Variants in TBX4 observed in about 807,000 individuals in gnomAD.
The protein encoded by TBX4 is T-box transcription factor TBX4.
Under a neutral mutation model 54.6 loss-of-function variants are expected in TBX4, and 13 were observed. That is an observed-to-expected ratio of 0.24 (90% CI 0.15 to 0.38). The LOEUF is 0.38. TBX4 is among the 10% of genes least tolerant of loss of function. The pLI, the probability that TBX4 is intolerant of heterozygous loss-of-function variation, is 1.00. For missense variants in TBX4, 631 were observed against 728.5 expected, an observed-to-expected ratio of 0.87 and a Z score of 1.54; for synonymous variants, 314 against 306.7, an observed-to-expected ratio of 1.02 and a Z score of -0.25.
intron 5 of TBX4, among the ~76,000 whole-genome samples, chr17:61,468,451 G>T (rs2060551543): frequency 6.6e-6 from 1 of 152,228 alleles, no homozygotes; most frequent in African/African-American, 2.4e-5. Context: ...TGGTTTCTGG[G>T]GAAGTGCAGG....
chr17:61,474,548 C>T lies in TBX4; in HGVS notation c.550-4079C>T, dbSNP rs998413953. Among the ~76,000 whole-genome samples the T allele has an allele frequency of 2.6e-5, 4 of 152,196 alleles. No individual in the cohort carries two copies. Among genetic ancestry groups the T allele is most frequent in the African/African-American group, 9.7e-5 (4 of 41,432 alleles). The stretch of plus-strand genomic sequence containing the variant: ...GTAGATAGATCTGGGCTTTATTGGC[C>T]AAGCACGCTATGGCGATCTCTTGAG... On this transcript the variant is annotated intron_variant, in intron 5 of 8. Transcript: ENST00000644296. This position sits in a 1 kb window ranked among gnomAD's most constrained non-coding sequence, Gnocchi z 4.6.
rs1291055520 is a variant in TBX4, at chr17:61,484,872, A to G, written c.*1356A>G. 1.4e-5 allele frequency: 2 copies of G among 148,086 alleles called. No homozygotes were observed. The highest frequency in any genetic ancestry group is 4.9e-5 in the African/African-American group (2 of 40,810). The allele number at this position is 148,086 out of a possible 1,614,324, so 9.2% of individuals were successfully genotyped here. A position where few individuals can be genotyped will look rare whatever the true frequency, so the allele number is the denominator to read the frequency against. On this transcript the variant is annotated 3_prime_UTR_variant, in exon 9 of 9. Transcript: ENST00000644296. This position sits in a 1 kb window ranked among gnomAD's most constrained non-coding sequence, Gnocchi z 4.1. ...TAAACGTTGGAGGGGGTATTTGGAA[A>G]GACATCTATTTAAATTTTTATTACA...
At position 61,478,438 on chromosome 17, in the gene TBX4, G is replaced by C; in HGVS notation, c.550-189G>C. The stretch of plus-strand genomic sequence containing the variant: ...TGGTGCAGAGAGGCTAAGTAGGGCT[G>C]GGGTGGGGAGAGTTTGGGGCCCAGG... On this transcript the variant is annotated intron_variant, in intron 5 of 8. Coordinates refer to ENST00000644296, the MANE Select transcript of TBX4 (RefSeq NM_001321120.2). This position sits in a 1 kb window ranked among gnomAD's most constrained non-coding sequence, Gnocchi z 7.4. 1.4e-6 allele frequency: 1 copy of C among 690,094 alleles called. No individual in the cohort carries two copies. Among genetic ancestry groups the C allele is most frequent in the Admixed American group, 2.4e-5 (1 of 41,568 alleles). The allele number at this position is 690,094 out of a possible 1,614,324, so 42.7% of individuals were successfully genotyped here.
rs1259669483 is a variant in TBX4, at chr17:61,461,632, A to G, written c.281+4001A>G. Among the ~76,000 whole-genome samples the G allele has an allele frequency of 6.6e-6, 1 of 152,216 alleles. No individual in the cohort carries two copies. Among genetic ancestry groups the G allele is most frequent in the African/African-American group, 2.4e-5 (1 of 41,446 alleles). ...GGAACATTCCTACAGAAGAGTCCAC[A>G]GGTCTTAAGGGTGCAGCTTTACAGA... On this transcript the variant is annotated intron_variant, in intron 3 of 8. Coordinates refer to ENST00000644296, the MANE Select transcript of TBX4 (RefSeq NM_001321120.2). This position sits in a 1 kb window ranked among gnomAD's most constrained non-coding sequence, Gnocchi z 5.1.
Position 61,457,433 on chromosome 17 carries a change from G to C in TBX4, c.187-104G>C. On this transcript the variant is annotated intron_variant, in intron 2 of 8. Transcript: ENST00000644296. This position sits in a 1 kb window ranked among gnomAD's most constrained non-coding sequence, Gnocchi z 8.2. ...AAATCTGGAGCCATGGGCTCCGGGC[G>C]GGCAGGGTTCCGCACAGCTCTTCGG... The C allele has an allele frequency of 1.0e-6, 1 of 990,294 alleles. No homozygotes were observed. The highest frequency in any genetic ancestry group is 1.6e-6 in the Non-Finnish European group (1 of 620,766). 61.3% of individuals were successfully genotyped at this position (990,294 alleles called of 1,614,324 possible).
rs975919224 is a variant in TBX4 at position 61,480,976 on chromosome 17, C to T, written c.1021+657C>T. ...GATAGAATTGCAATGATTCGTGTTA[C>T]TCCACCAGAAGACCTCATGGGGCTG... On this transcript the variant is annotated intron_variant, in intron 8 of 8. Coordinates refer to ENST00000644296, the MANE Select transcript of TBX4 (RefSeq NM_001321120.2). The surrounding 1 kb of genome is among the most constrained non-coding windows in gnomAD (Gnocchi z 6.2). 6.6e-6 allele frequency among the ~76,000 whole-genome samples: 1 copy of T among 152,200 alleles called. No homozygotes were observed. Among genetic ancestry groups the T allele is most frequent in the African/African-American group, 2.4e-5 (1 of 41,450 alleles).
chr17:61,461,063 C>A lies in TBX4; in HGVS notation c.281+3432C>A, dbSNP rs1490250056. Among the ~76,000 whole-genome samples, 1 of 152,176 alleles carries A rather than the reference C, an allele frequency of 6.6e-6. No homozygotes were observed. On this transcript the variant is annotated intron_variant, in intron 3 of 8. Coordinates refer to ENST00000644296, the MANE Select transcript of TBX4 (RefSeq NM_001321120.2). The surrounding 1 kb of genome is among the most constrained non-coding windows in gnomAD (Gnocchi z 5.1). ...ATAAGAGAAGTAAGGGTTGAAGACA[C>A]TGGGAAAGTGGGTTGGGGAGAGAGT...
intron 5 of TBX4, among the ~76,000 whole-genome samples, chr17:61,467,927 T>C (rs2060547767): frequency 6.6e-6 from 1 of 152,210 alleles, no homozygotes; most frequent in South Asian, 2.1e-4. Flanking sequence ...GATGACCACA[T>C]GTACCTTTCA....
chr17:61,455,397 G>T (rs1490479003), intron 1 of TBX4, among the ~76,000 whole-genome samples: 2 of 152,236 alleles, frequency 1.3e-5, no homozygotes, highest in East Asian at 1.9e-4. Flanking sequence ...CCCAGGTCCA[G>T]CAGGATGGGG....
Position 61,474,583 on chromosome 17 carries a change from G to A in TBX4, c.550-4044G>A, listed in dbSNP as rs1056274810. On this transcript the variant is annotated intron_variant, in intron 5 of 8. Coordinates refer to ENST00000644296, the MANE Select transcript of TBX4 (RefSeq NM_001321120.2). The surrounding 1 kb of genome is among the most constrained non-coding windows in gnomAD (Gnocchi z 4.6). ...ATGGCGATCTCTTGAGGAGAGGGAT[G>A]TTTGGCGCAATTGCAGTTGTTAAAA... Among the ~76,000 whole-genome samples, 4 of 152,250 alleles carry A rather than the reference G, an allele frequency of 2.6e-5. No homozygotes were observed. The highest frequency in any genetic ancestry group is 9.6e-5 in the African/African-American group (4 of 41,462).
In TBX4 at chr17:61,472,336, T is replaced by A. The variant is rs1328424268; in HGVS notation, c.549+4679T>A. Among the ~76,000 whole-genome samples the A allele has an allele frequency of 6.6e-6, 1 of 152,256 alleles. No individual in the cohort carries two copies. Among genetic ancestry groups the A allele is most frequent in the African/African-American group, 2.4e-5 (1 of 41,472 alleles). ...GCGGGAGAGCAAACTTGTGGATTTT[T>A]GTCAGTTTGACAGGTGAAATGTGGA... On this transcript the variant is annotated intron_variant, in intron 5 of 8. Transcript: ENST00000644296. This position sits in a 1 kb window ranked among gnomAD's most constrained non-coding sequence, Gnocchi z 4.5.
In TBX4 at chr17:61,462,263, A is replaced by G. The variant is rs535332021; in HGVS notation, c.282-3556A>G. 6.6e-6 allele frequency among the ~76,000 whole-genome samples: 1 copy of G among 152,174 alleles called. No individual in the cohort carries two copies. The highest frequency in any genetic ancestry group is 1.9e-4 in the East Asian group (1 of 5,140). ...GAGCCTGTTTCATGATCAGAGGAGA[A>G]GCCCCGGGCTTTCATCTCCTCCCGG... On this transcript the variant is annotated intron_variant, in intron 3 of 8. Transcript: ENST00000644296. This position sits in a 1 kb window ranked among gnomAD's most constrained non-coding sequence, Gnocchi z 4.5.
Position 61,478,532 on chromosome 17 carries a change from T to G in TBX4, c.550-95T>G, listed in dbSNP as rs2143856418. ...CCCGGATCCTGGGCTTTGAGGAGAATGAGAAAAACCAGGCCAGGGCCAGAA... is the reference window on the plus strand; with the variant it reads ...CCCGGATCCTGGGCTTTGAGGAGAAGGAGAAAAACCAGGCCAGGGCCAGAA... On this transcript the variant is annotated intron_variant, in intron 5 of 8. Transcript: ENST00000644296. The surrounding 1 kb of genome is among the most constrained non-coding windows in gnomAD (Gnocchi z 7.4). 3.2e-6 allele frequency: 5 copies of G among 1,554,600 alleles called. No homozygotes were observed. The highest frequency in any genetic ancestry group is 4.4e-6 in the Non-Finnish European group (5 of 1,127,892).
rs540936006 is a variant in TBX4, at chr17:61,480,400, C to G, written c.1021+81C>G. 8.2e-4 allele frequency: 928 copies of G among 1,132,144 alleles called. 14 individuals carry two copies. The African/African-American group carries it at 0.012, about 15-fold the overall frequency. 70.1% of individuals were successfully genotyped at this position (1,132,144 alleles called of 1,614,324 possible). ...CCCGAAACCACTCTGCAGCGCCCCC[C>G]CCCCCAACACACACACACTCATCTC... On this transcript the variant is annotated intron_variant, in intron 8 of 8. Transcript: ENST00000644296. This position sits in a 1 kb window ranked among gnomAD's most constrained non-coding sequence, Gnocchi z 6.2.
rs76989060 is a variant in TBX4, at chr17:61,460,685, G to A, written c.281+3054G>A. Among the ~76,000 whole-genome samples the A allele has an allele frequency of 0.035, 5,303 of 152,192 alleles. 149 individuals are homozygous for A. Among genetic ancestry groups the A allele is most frequent in the Middle Eastern group, 0.11 (32 of 294 alleles). On this transcript the variant is annotated intron_variant, in intron 3 of 8. Transcript: ENST00000644296. This position sits in a 1 kb window ranked among gnomAD's most constrained non-coding sequence, Gnocchi z 4.4. The stretch of plus-strand genomic sequence containing the variant: ...CACATCCCTGCCAAGCTTGATACAT[G>A]TGAGAAACTGCATTTTCTCCCAAAC...
Position 61,465,972 on chromosome 17 carries a change from C to T in TBX4, c.401+34C>T, listed in dbSNP as rs1388743316. 4 of 1,612,476 alleles carry T rather than the reference C, an allele frequency of 2.5e-6. No homozygotes were observed. The highest frequency in any genetic ancestry group is 3.4e-6 in the Non-Finnish European group (4 of 1,178,936). Reference sequence around the variant, plus strand: ...ACCCTGACCGCATCACCCACGTTCCCTCAACTGCCCACTTGCCACGCCCCC... The same window carrying T: ...ACCCTGACCGCATCACCCACGTTCCTTCAACTGCCCACTTGCCACGCCCCC... On this transcript the variant is annotated intron_variant, in intron 4 of 8. Transcript: ENST00000644296. The surrounding 1 kb of genome is among the most constrained non-coding windows in gnomAD (Gnocchi z 4.9).
chr17:61,456,633 C>G lies in TBX4; in HGVS notation c.143C>G (p.Pro48Arg), dbSNP rs1338402047. The change falls in exon 2 of 9, where the codon CCG becomes CGG. Residue 48 changes from proline to arginine, a missense_variant. Physicochemically the swap from Pro to Arg is moderately radical, Grantham distance 103. Around this residue, in one of 3 missense-constraint regions of TBX4, gnomAD observed 123 missense variants for 120.9 expected, o/e 1.02. Transcript: ENST00000644296. The part of the protein sequence containing the change: ...GLSGAALGSP[P>R]GPGADVVAAA... ...AGCGGAGCCGCGCTAGGCAGCCCCC[C>G]GGGACCCGGGGCCGACGTCGTCGCC... 3 of 1,360,858 alleles carry G rather than the reference C, an allele frequency of 2.2e-6. No individual in the cohort carries two copies. Among genetic ancestry groups the G allele is most frequent in the Non-Finnish European group, 9.5e-7 (1 of 1,056,732 alleles). 84.3% of individuals were successfully genotyped at this position (1,360,858 alleles called of 1,614,324 possible).
At chr17:61,471,895 T>TA (rs2060581440) in intron 5 of TBX4, among the ~76,000 whole-genome samples, 1 of 80,348 alleles carries the variant, frequency 1.2e-5, no homozygotes, top group African/African-American at 5.9e-5. Context: ...CCAGCTAATT[T>TA]TTTTTTTTTT....
At chr17:61,469,672 G>A (rs1278474810) in intron 5 of TBX4, among the ~76,000 whole-genome samples, 4 of 152,214 alleles carry the variant, frequency 2.6e-5, no homozygotes, top group South Asian at 2.1e-4. Context: ...GGCTCTCGCT[G>A]CGGTATCTTC....
Sources: gnomAD v4.1 joint callset for allele counts (sites outside exome capture counted in the v4.1 genomes callset) on GRCh38, gnomAD v4.1.1 for gene constraint, gnomAD v4.1.1 regional missense constraint, Gnocchi (gnomAD v3.1) non-coding constraint, MANE v1.5 for transcripts, NCBI Gene and HGNC (gene_info 2026-07-23, HGNC 2026-07-21) for gene names.